Variants in KCNAB1 observed in about 807,000 individuals in gnomAD.
KCNAB1 encodes potassium voltage-gated channel subfamily A regulatory beta subunit 1.
KCNAB1 carries 35 observed loss-of-function variants against 64.6 expected under a neutral mutation model. That is an observed-to-expected ratio of 0.54 (90% CI 0.41 to 0.72). KCNAB1 has a LOEUF of 0.72. Among genes scored for constraint, KCNAB1 ranks in the 30% least tolerant of loss-of-function variants. The pLI, the probability that KCNAB1 is intolerant of heterozygous loss-of-function variation, is 0.00. For missense variants in KCNAB1, 401 were observed against 512.9 expected (o/e 0.78, Z 2.11); for synonymous variants, 177 against 183.8 (o/e 0.96, Z 0.30).
At chr3:156,395,394 A>C (rs1418482749) in intron 1 of KCNAB1, among the ~76,000 whole-genome samples, 3 of 149,034 alleles carry the variant, frequency 2.0e-5, no homozygotes, top group Non-Finnish European at 4.5e-5. Flanking sequence ...AAATACAAAA[A>C]ATTAGCCGGG....
intron 12 of KCNAB1, among the ~76,000 whole-genome samples, chr3:156,526,986 G>T (rs1405466566): frequency 1.3e-5 from 2 of 152,138 alleles, no homozygotes; most frequent in East Asian, 1.9e-4. Context: ...TAGAATATTT[G>T]TTGGTAGCTT....
chr3:156,531,339 G>A, intron 12 of KCNAB1, 70 bp from the exon 13 acceptor site: 2 of 1,112,978 alleles, frequency 1.8e-6, no homozygotes, highest in Non-Finnish European at 2.8e-6. Context: ...AACAGCTGTA[G>A]CAGGTGTTTA....
chr3:156,511,466 C>T (rs1352238402), intron 8 of KCNAB1, among the ~76,000 whole-genome samples: 2 of 152,150 alleles, frequency 1.3e-5, no homozygotes, highest in African/African-American at 4.8e-5. Context: ...GAAGAACCCT[C>T]GATTTTTCTC....
intron 1 of KCNAB1, among the ~76,000 whole-genome samples, chr3:156,191,094 A>T (rs1437612304): frequency 1.3e-5 from 2 of 152,240 alleles, no homozygotes; most frequent in Non-Finnish European, 1.5e-5. Flanking sequence ...CTTGCTAGAG[A>T]TTTGAAGAGA....
intron 11 of KCNAB1, among the ~76,000 whole-genome samples, chr3:156,521,284 T>C (rs970798126): frequency 1.3e-5 from 2 of 152,150 alleles, no homozygotes; most frequent in South Asian, 4.1e-4. Flanking sequence ...TGAAATAATA[T>C]GGAAGCCACA....
intron 1 of KCNAB1, among the ~76,000 whole-genome samples, chr3:156,382,823 G>T (rs1712269062): frequency 6.6e-6 from 1 of 152,206 alleles, no homozygotes; most frequent in African/African-American, 2.4e-5. Flanking sequence ...CATAAGCAGA[G>T]CACCCTGCCT....
At chr3:156,247,227 A>G (rs1005912101) in intron 1 of KCNAB1, among the ~76,000 whole-genome samples, 6 of 152,324 alleles carry the variant, frequency 3.9e-5, no homozygotes, top group African/African-American at 1.2e-4. Context: ...GAGCTCATTC[A>G]TATGGTGGTT....
At chr3:156,194,603 A>C (rs1308016956) in intron 1 of KCNAB1, among the ~76,000 whole-genome samples, 1 of 152,050 alleles carries the variant, frequency 6.6e-6, no homozygotes, top group Non-Finnish European at 1.5e-5. Flanking sequence ...CTTGGATCCA[A>C]GGGTTTACAG....
chr3:156,431,642 G>A (rs1342385944), intron 2 of KCNAB1, among the ~76,000 whole-genome samples: 12 of 152,316 alleles, frequency 7.9e-5, no homozygotes, highest in African/African-American at 2.6e-4. Context: ...CTTTTCAGGC[G>A]TATTGAGTAT....
intron 1 of KCNAB1, among the ~76,000 whole-genome samples, chr3:156,210,386 A>G (rs75743426): frequency 0.016 from 2,400 of 152,286 alleles, 46 homozygotes; most frequent in Non-Finnish European, 0.019. Flanking sequence ...TCTGGATTGT[A>G]TCTGTAGTAC....
intron 1 of KCNAB1, among the ~76,000 whole-genome samples, chr3:156,161,349 C>T (rs141601191): frequency 6.6e-6 from 1 of 152,238 alleles, no homozygotes; most frequent in Non-Finnish European, 1.5e-5. Context: ...TGATCTTTAC[C>T]ACATGTTTAT....
At chr3:156,288,494 G>C (rs752787251) in intron 1 of KCNAB1, among the ~76,000 whole-genome samples, 1 of 152,188 alleles carries the variant, frequency 6.6e-6, no homozygotes, top group Admixed American at 6.5e-5. Context: ...ATTGACATGT[G>C]GCCTCTTAGC....
intron 4 of KCNAB1, among the ~76,000 whole-genome samples, chr3:156,458,258 C>T (rs915992709): frequency 3.9e-5 from 6 of 152,176 alleles, no homozygotes; most frequent in Admixed American, 6.5e-5. Flanking sequence ...ATAGGAAATG[C>T]GCCAGGCCAG....
chr3:156,302,881 C>G (rs1018333667), intron 1 of KCNAB1, among the ~76,000 whole-genome samples: 1 of 152,156 alleles, frequency 6.6e-6, no homozygotes, highest in Admixed American at 6.5e-5. Flanking sequence ...AATTTCATGA[C>G]TGTAATCAGT....
In KCNAB1 at chr3:156,216,564, A is replaced by G. The variant is rs539091576; in HGVS notation, c.275+95678A>G. ...TTCCGCCCAAACTAGAATGAATAAC[A>G]TTTGACAAAACTGTTGTTAAGAAAG... is the stretch of plus-strand genomic sequence containing the variant. On this transcript the variant is annotated intron_variant, in intron 1 of 13. Transcript: ENST00000490337. Among the ~76,000 whole-genome samples the G allele has an allele frequency of 2.0e-3, 305 of 152,346 alleles. 1 individual carries two copies. The highest frequency in any genetic ancestry group is 7.0e-3 in the African/African-American group (291 of 41,576).
chr3:156,175,823 G>A (rs1166654088), intron 1 of KCNAB1: 2 of 633,492 alleles, frequency 3.2e-6, no homozygotes, highest in Non-Finnish European at 5.9e-6. Context: ...TGCAGTCTGA[G>A]GTCTCAAAGA....
intron 1 of KCNAB1, among the ~76,000 whole-genome samples, chr3:156,320,300 T>C (rs1722571187): frequency 6.6e-6 from 1 of 152,282 alleles, no homozygotes; most frequent in Non-Finnish European, 1.5e-5. Context: ...TTAAACAAAA[T>C]AAACAAAGGC....
At chr3:156,388,766 A>C (rs1021155658) in intron 1 of KCNAB1, among the ~76,000 whole-genome samples, 1 of 152,168 alleles carries the variant, frequency 6.6e-6, no homozygotes, top group African/African-American at 2.4e-5. Context: ...TCACAGTTCA[A>C]ACTCTCTGCA....
chr3:156,447,374 A>T (rs1204361206), intron 2 of KCNAB1, among the ~76,000 whole-genome samples: 1 of 152,166 alleles, frequency 6.6e-6, no homozygotes, highest in East Asian at 1.9e-4. Flanking sequence ...TGGGAGAAAT[A>T]ATTACCAGTT....
Sources: allele counts gnomAD v4.1 joint callset (sites outside exome capture counted in the v4.1 genomes callset), GRCh38; gene constraint gnomAD v4.1.1; transcripts MANE v1.5; gene names NCBI Gene and HGNC (gene_info 2026-07-23, HGNC 2026-07-21).